The following CERK variants were observed in gnomAD, a reference collection of about 807,000 sequenced individuals.
CERK encodes ceramide kinase.
A neutral mutation model predicts 63.4 loss-of-function variants in CERK; 39 were observed. The ratio of observed to expected loss-of-function variants is 0.61; its 90% confidence interval spans 0.48 to 0.80. CERK has a LOEUF of 0.80. CERK is among the 30% of genes least tolerant of loss of function. CERK has a pLI of 0.00. For synonymous variants in CERK, 302 were observed against 280.0 expected, an observed-to-expected ratio of 1.08 and a Z score of -0.78; for missense variants, 670 against 714.1, an observed-to-expected ratio of 0.94 and a Z score of 0.70.
intron 7 of CERK, among the ~76,000 whole-genome samples, chr22:46,700,029 C>G (rs954140363): frequency 6.6e-6 from 1 of 151,940 alleles, no homozygotes. Context: ...GCGGAGGTTG[C>G]AGTGAGCCGA....
intron 1 of CERK, among the ~76,000 whole-genome samples, chr22:46,726,976 T>C (rs1014446034): frequency 6.6e-6 from 1 of 152,174 alleles, no homozygotes. Context: ...TCGTCTTTTA[T>C]GGGAAACCTT....
Position 46,723,704 on chromosome 22 carries a change from T to TTCTTC in CERK, c.143-2694_143-2690dup, listed in dbSNP as rs201169583. ...TTCAAGGGTCCACTAATGTGGGGTTTTCTTCTTTTTTTTTTGTTTTTGAAA... is the reference window on the plus strand; with the variant it reads ...TTCAAGGGTCCACTAATGTGGGGTTTTCTTCTCTTCTTTTTTTTTTGTTTTTGAAA... On this transcript the variant is annotated intron_variant, in intron 1 of 12. Transcript: ENST00000216264. Among the ~76,000 whole-genome samples the TTCTTC allele has an allele frequency of 6.9e-3, 1,054 of 152,056 alleles. 10 individuals carry two copies. Among genetic ancestry groups the TTCTTC allele is most frequent in the African/African-American group, 0.021 (877 of 41,512 alleles).
At chr22:46,736,104 G>A (rs1278639196) in intron 1 of CERK, among the ~76,000 whole-genome samples, 2 of 152,208 alleles carry the variant, frequency 1.3e-5, no homozygotes, top group Admixed American at 6.5e-5. Flanking sequence ...CTCCTGGCAG[G>A]CCAGTCAGGC....
intron 7 of CERK, among the ~76,000 whole-genome samples, chr22:46,701,079 G>A (rs1461193194): frequency 4.6e-5 from 7 of 152,204 alleles, no homozygotes; most frequent in Admixed American, 4.6e-4. Flanking sequence ...GTGAGGCACG[G>A]TAACCCTGTC....
Position 46,708,175 on chromosome 22 carries a change from G to A in CERK, c.570-187C>T, listed in dbSNP as rs551994443. Among the ~76,000 whole-genome samples the A allele has an allele frequency of 4.6e-5, 7 of 152,334 alleles. No homozygotes were observed. In the East Asian group the frequency reaches 5.8e-4, roughly 13 times the overall value. On this transcript the variant is annotated intron_variant, in intron 5 of 12. Coordinates refer to ENST00000216264, the MANE Select transcript of CERK (RefSeq NM_022766.6). ...CTCTGTGCCAGTTGGCCTAGACCAC[G>A]TGTACAAATAATGAGATTGATGGCA...
In CERK at chr22:46,686,956, C is replaced by T. The variant is rs1310577139; in HGVS notation, c.*178G>A. 4.8e-6 allele frequency: 3 copies of T among 622,708 alleles called. No individual in the cohort carries two copies. The highest frequency in any genetic ancestry group is 8.3e-6 in the Non-Finnish European group (3 of 362,488). 38.6% of individuals were successfully genotyped at this position (622,708 alleles called of 1,614,324 possible). ...CTGCAACCCGCAGATGCGTACAGAA[C>T]TGAAAATGCCAAATATGTACACAAA... On this transcript the variant is annotated 3_prime_UTR_variant, in exon 13 of 13. Coordinates refer to ENST00000216264, the MANE Select transcript of CERK (RefSeq NM_022766.6).
intron 1 of CERK, among the ~76,000 whole-genome samples, chr22:46,732,226 C>T (rs978899435): frequency 3.3e-5 from 5 of 151,836 alleles, no homozygotes; most frequent in Non-Finnish European, 5.9e-5. Context: ...AGCTTGTATG[C>T]GGGTGACAGG....
intron 6 of CERK, among the ~76,000 whole-genome samples, chr22:46,704,902 T>C (rs2082805785): frequency 6.6e-6 from 1 of 151,646 alleles, no homozygotes; most frequent in African/African-American, 2.4e-5. Flanking sequence ...GAAAGGAAGT[T>C]TACAAAAGCA....
intron 1 of CERK, among the ~76,000 whole-genome samples, chr22:46,731,495 C>A (rs1193184865): frequency 6.6e-6 from 1 of 152,252 alleles, no homozygotes; most frequent in Non-Finnish European, 1.5e-5. Context: ...CAGCGCCGTT[C>A]CCTGCTGGAG....
rs1285680849 is a variant in CERK at position 46,690,004 on chromosome 22, G to A, written c.1529C>T (p.Ala510Val). 3 of 1,606,286 alleles carry A rather than the reference G, an allele frequency of 1.9e-6. No individual in the cohort carries two copies. The highest frequency in any genetic ancestry group is 1.3e-5 in the African/African-American group (1 of 74,914). The change falls in exon 12 of 13, where the codon GCC (alanine) becomes GTC (valine). Residue 510 changes from alanine (A) to valine (V), a missense_variant. Physicochemically the swap from Ala to Val is moderately conservative, Grantham distance 64. Coordinates refer to ENST00000216264, the MANE Select transcript of CERK (RefSeq NM_022766.6). The part of the protein sequence containing the change: ...NCDGEVLHSP[A>V]IEVRVHCQLV... Reference sequence around the variant, plus strand: ...CCCCTGCACGCACCTGACCTCGATGGCAGGGCTGTGCAGGACCTCCCCGTC... The same window carrying A: ...CCCCTGCACGCACCTGACCTCGATGACAGGGCTGTGCAGGACCTCCCCGTC...
At chr22:46,694,218 C>T (rs801713) in intron 9 of CERK, among the ~76,000 whole-genome samples, 36,420 of 151,938 alleles carry the variant, frequency 0.24, 7,051 homozygotes, top group African/African-American at 0.52. Flanking sequence ...TCCACAGCCC[C>T]GTGTCCTCAG....
chr22:46,738,008 CGCGCCGGGG>C lies in CERK; in HGVS notation c.132_140del (p.Pro45_Ala47del). ...AACCCGGGCGGCGGCGACACTCACC[CGCGCCGGGG>C]GCGCCGGCTCCGGGCCCCGGGCTCC... On this transcript the variant is annotated inframe_deletion and splice_region_variant, in exon 1 of 13. Coordinates refer to ENST00000216264, the MANE Select transcript of CERK (RefSeq NM_022766.6). The C allele has an allele frequency of 8.5e-7, 1 of 1,181,184 alleles. No homozygotes were observed. The highest frequency in any genetic ancestry group is 3.8e-5 in the South Asian group (1 of 26,120). The allele number at this position is 1,181,184 out of a possible 1,614,324, so 73.2% of individuals were successfully genotyped here. A position where few individuals can be genotyped will look rare whatever the true frequency, so the allele number is the denominator to read the frequency against.
intron 10 of CERK, among the ~76,000 whole-genome samples, chr22:46,692,541 G>T (rs1297065129): frequency 6.6e-6 from 1 of 152,108 alleles, no homozygotes; most frequent in East Asian, 1.9e-4. Flanking sequence ...GGTGGAGGTT[G>T]CAGTGAGCCG....
At position 46,690,141 on chromosome 22, in the gene CERK, G is replaced by A; in HGVS notation, c.1392C>T (p.His464=). Residue 464 remains histidine, a synonymous_variant, in exon 12 of 13, where the codon CAC becomes CAT. Coordinates refer to ENST00000216264, the MANE Select transcript of CERK (RefSeq NM_022766.6). ...RVKKFQFTSK[H]MEDEDSDLKE... ...TGAGGTCGCTGTCCTCATCCTCCAT[G>A]TGCTTCGACGTAAACTGGAATTTCT... 1 of 1,614,000 alleles carries A rather than the reference G, an allele frequency of 6.2e-7. No individual in the cohort carries two copies. The highest frequency in any genetic ancestry group is 8.5e-7 in the Non-Finnish European group (1 of 1,180,022).
At chr22:46,720,060 G>A (rs199935278) in intron 3 of CERK, 26 bp downstream of exon 3, 1 of 1,607,658 alleles carries the variant, frequency 6.2e-7, no homozygotes. Flanking sequence ...CGGCCATCCT[G>A]TCTCTCAGTC....
intron 3 of CERK, among the ~76,000 whole-genome samples, chr22:46,719,067 C>A (rs916799857): frequency 1.3e-5 from 2 of 151,332 alleles, no homozygotes; most frequent in Admixed American, 1.3e-4. Context: ...GACCCTGTCT[C>A]AAAAAAAATT....
rs116217970 is a variant in CERK, at chr22:46,728,412, G to C, written c.143-7397C>G. 7.0e-4 allele frequency among the ~76,000 whole-genome samples: 107 copies of C among 152,278 alleles called. 1 individual carries two copies. The highest frequency in any genetic ancestry group is 2.4e-3 in the African/African-American group (98 of 41,548). On this transcript the variant is annotated intron_variant, in intron 1 of 12. Coordinates refer to ENST00000216264, the MANE Select transcript of CERK (RefSeq NM_022766.6). The stretch of plus-strand genomic sequence containing the variant: ...GCCTTTGAAGAGGGAGCTCACCCCA[G>C]ATTCTGGAGCAGCCTCGCTCTGAGT...
chr22:46,715,166 G>C (rs1292900493), intron 3 of CERK, among the ~76,000 whole-genome samples: 1 of 152,058 alleles, frequency 6.6e-6, no homozygotes, highest in African/African-American at 2.4e-5. Flanking sequence ...ATTCTTAATG[G>C]TGAAACACTA....
intron 12 of CERK, among the ~76,000 whole-genome samples, chr22:46,687,999 C>T (rs1314318067): frequency 6.6e-6 from 1 of 152,110 alleles, no homozygotes; most frequent in Non-Finnish European, 1.5e-5. Context: ...GAGTTTGAGA[C>T]CAGCCTGGCC....
Sources: allele counts gnomAD v4.1 joint callset (sites outside exome capture counted in the v4.1 genomes callset), GRCh38; gene constraint gnomAD v4.1.1; transcripts MANE v1.5; gene names NCBI Gene and HGNC (gene_info 2026-07-23, HGNC 2026-07-21).